The following SMS variants were observed in gnomAD, a reference collection of about 807,000 sequenced individuals.
SMS encodes the protein spermidine aminopropyltransferase.
SMS carries 3 observed loss-of-function variants against 33.0 expected under a neutral mutation model. The observed-to-expected ratio is 0.09, with a 90% CI of 0.04 to 0.23. The LOEUF (loss-of-function observed/expected upper bound fraction) is 0.23, where lower values mean the gene tolerates loss of function less well. Ranked by LOEUF, SMS falls within the 10% of genes least tolerant of loss-of-function variation. SMS has a pLI of 1.00. For missense variants in SMS, 117 were observed against 288.6 expected, an observed-to-expected ratio of 0.41 and a Z score of 4.31; for synonymous variants, 103 against 112.2, an observed-to-expected ratio of 0.92 and a Z score of 0.52.
chrX:21,944,945 C>T (rs1266080306), intron 1 of SMS, among the ~76,000 whole-genome samples: 1 of 112,072 alleles, frequency 8.9e-6, no homozygotes, highest in African/African-American at 3.2e-5. Context: ...TGCCACTGCA[C>T]TCCAGCCTGG....
chrX:21,978,367 G>C (rs955205105), intron 6 of SMS, among the ~76,000 whole-genome samples: 1 of 111,457 alleles, frequency 9.0e-6, no homozygotes, highest in African/African-American at 3.3e-5. Flanking sequence ...CTGAGGTCAG[G>C]AGTTCAAGAC....
At chrX:21,944,614 G>A (rs759278639) in intron 1 of SMS, among the ~76,000 whole-genome samples, 1 of 108,673 alleles carries the variant, frequency 9.2e-6, no homozygotes, top group Admixed American at 1.0e-4. Context: ...AGGCTGAGGC[G>A]GGAGGATCCC....
intron 1 of SMS, among the ~76,000 whole-genome samples, chrX:21,956,190 T>C (rs1922959258): frequency 8.9e-6 from 1 of 112,759 alleles, no homozygotes; most frequent in South Asian, 3.7e-4. Flanking sequence ...AGCTTGGGTG[T>C]CATTTCTGTG....
chrX:21,943,791 A>G (rs1250603058), intron 1 of SMS, among the ~76,000 whole-genome samples: 1 of 111,788 alleles, frequency 8.9e-6, no homozygotes, highest in Non-Finnish European at 1.9e-5. Context: ...TGAAAAATAA[A>G]GAGATCCTGG....
At chrX:21,982,179 C>CA (rs11333369) in intron 7 of SMS, among the ~76,000 whole-genome samples, 3 of 106,418 alleles carry the variant, frequency 2.8e-5, no homozygotes, top group African/African-American at 6.9e-5. Context: ...TAAAAAAATA[C>CA]AAAAAAAAAT....
At chrX:21,975,199 T>C (rs1924456334) in intron 4 of SMS, among the ~76,000 whole-genome samples, 1 of 111,109 alleles carries the variant, frequency 9.0e-6, no homozygotes, top group Admixed American at 9.5e-5. Flanking sequence ...TTTGGTAGGG[T>C]GCTCTACAGT....
chrX:21,948,365 G>A (rs1922375474), intron 1 of SMS, among the ~76,000 whole-genome samples: 1 of 108,796 alleles, frequency 9.2e-6, no homozygotes, highest in Non-Finnish European at 1.9e-5. Context: ...TAACAAGAGA[G>A]GGGTACTTTT....
chrX:21,984,158 G>A, intron 7 of SMS, 146 bp from the exon 8 acceptor site: 1 of 502,540 alleles, frequency 2.0e-6, no homozygotes, highest in Admixed American at 3.0e-5. Context: ...ATAGATGAAA[G>A]TTTTTTGGTT....
intron 1 of SMS, among the ~76,000 whole-genome samples, chrX:21,957,926 A>AT (rs1420726282): frequency 9.5e-6 from 1 of 105,270 alleles, no homozygotes; most frequent in African/African-American, 3.5e-5. Flanking sequence ...TCTGTTGCCC[A>AT]TGTCCTTTGC....
intron 1 of SMS, among the ~76,000 whole-genome samples, chrX:21,944,807 A>G (rs942840292): frequency 5.4e-5 from 6 of 110,617 alleles, no homozygotes; most frequent in Non-Finnish European, 9.5e-5. Flanking sequence ...ATGAAACCCT[A>G]TCTCTACTAA....
chrX:21,977,109 C>G lies in SMS; in HGVS notation c.378C>G (p.Thr126=). 1.7e-6 allele frequency: 2 copies of G among 1,207,643 alleles called. No individual in the cohort carries two copies. The highest frequency in any genetic ancestry group is 2.2e-6 in the Non-Finnish European group (2 of 891,868). ...RGGAIDRYWP[T]ADGRLVEYDI... is the part of the protein sequence containing the mutation. ...GAGCCATCGACAGATACTGGCCCAC[C>G]GCCGACGGGCGCCTGGTTGAATATG... is the stretch of plus-strand genomic sequence containing the variant. The change falls in exon 5 of 11, where the codon ACC becomes ACG. Residue 126 remains threonine, a synonymous_variant. Coordinates refer to ENST00000404933, the MANE Select transcript of SMS (RefSeq NM_004595.5).
At chrX:21,953,729 G>T (rs1467969068) in intron 1 of SMS, among the ~76,000 whole-genome samples, 3 of 111,976 alleles carry the variant, frequency 2.7e-5, no homozygotes, top group Non-Finnish European at 5.6e-5. Flanking sequence ...TATCCTGTTG[G>T]TGCTTGCAGA....
At chrX:21,982,230 CG>C (rs1925004992) in intron 7 of SMS, among the ~76,000 whole-genome samples, 1 of 106,030 alleles carries the variant, frequency 9.4e-6, no homozygotes, top group African/African-American at 3.5e-5. Context: ...CTCAGCTACT[CG>C]GGAGGCTGAG....
Position 21,989,260 on chromosome X carries a change from G to T in SMS, c.946-3337G>T, listed in dbSNP as rs1266955775. Among the ~76,000 whole-genome samples, 9 of 110,638 alleles carry T rather than the reference G, an allele frequency of 8.1e-5. No individual in the cohort carries two copies. In the East Asian group the frequency reaches 2.0e-3, roughly 24 times the overall value. On this transcript the variant is annotated intron_variant, in intron 9 of 10. Coordinates refer to ENST00000404933, the MANE Select transcript of SMS (RefSeq NM_004595.5). ...AGGACAGCCTGGGCAACATAGTGAA[G>T]ACCCCACCTCTAAAATAAACAAAAG...
chrX:21,977,380 A>G lies in SMS; in HGVS notation c.505+144A>G. On this transcript the variant is annotated intron_variant, in intron 5 of 10. Transcript: ENST00000404933. ...TTTTTGAGATGCACATTTATGTCATATTAACCTGTGGATTGTCTGGGCTTT... is the reference window on the plus strand; with the variant it reads ...TTTTTGAGATGCACATTTATGTCATGTTAACCTGTGGATTGTCTGGGCTTT... The G allele has an allele frequency of 6.9e-6, 4 of 578,284 alleles. No homozygotes were observed. In the South Asian group the frequency reaches 7.2e-5, roughly 10 times the overall value. 47.7% of individuals were successfully genotyped at this position (578,284 alleles called of 1,213,427 possible).
intron 5 of SMS, 58 bp downstream of exon 5, chrX:21,977,294 G>A: frequency 2.9e-6 from 3 of 1,029,533 alleles, no homozygotes; most frequent in Non-Finnish European, 4.1e-6. Context: ...TTGAATGATG[G>A]TGTTTTCCTG....
chrX:21,950,692 T>C (rs1004205976), intron 1 of SMS, among the ~76,000 whole-genome samples: 4 of 108,808 alleles, frequency 3.7e-5, no homozygotes. Context: ...TGAGAACATG[T>C]GGTGTTTGGT....
chrX:21,952,720 T>C (rs1277373494), intron 1 of SMS, among the ~76,000 whole-genome samples: 2 of 109,585 alleles, frequency 1.8e-5, no homozygotes, highest in Non-Finnish European at 3.8e-5. Flanking sequence ...AGTGAAACCA[T>C]CTTTGTCTCA....
At chrX:21,971,813 T>C in intron 2 of SMS, 84 bp from the exon 3 acceptor site, 2 of 657,925 alleles carry the variant, frequency 3.0e-6, no homozygotes. Context: ...GGTCTTTTAA[T>C]TGGGTGACAT....
Sources: allele counts gnomAD v4.1 joint callset (sites outside exome capture counted in the v4.1 genomes callset), GRCh38; gene constraint gnomAD v4.1.1; transcripts MANE v1.5; gene names NCBI Gene and HGNC (gene_info 2026-07-23, HGNC 2026-07-21).